Variants in LDLRAD3 observed in about 807,000 individuals in gnomAD.
LDLRAD3 encodes the protein low density lipoprotein receptor class A domain containing 3.
A neutral mutation model predicts 29.4 loss-of-function variants in LDLRAD3; 20 were observed. That is an observed-to-expected ratio of 0.68 (90% CI 0.48 to 0.99). The LOEUF (loss-of-function observed/expected upper bound fraction) is 0.99. Ranked by LOEUF, LDLRAD3 falls within the 50% of genes least tolerant of loss-of-function variation. The pLI is 0.00. For synonymous variants in LDLRAD3, 157 were observed against 192.7 expected (o/e 0.81, Z 1.53); for missense variants, 420 against 454.3 (o/e 0.92, Z 0.69).
chr11:36,165,701 A>C (rs1854503024), intron 4 of LDLRAD3, among the ~76,000 whole-genome samples: 1 of 151,908 alleles, frequency 6.6e-6, no homozygotes, highest in Non-Finnish European at 1.5e-5. Flanking sequence ...GAAATTATTT[A>C]TTTTCATTCT....
chr11:36,152,721 A>G (rs112419970), intron 4 of LDLRAD3, among the ~76,000 whole-genome samples: 2,060 of 152,346 alleles, frequency 0.014, 17 homozygotes, highest in Non-Finnish European at 0.02. Flanking sequence ...GGTCTGTTTT[A>G]GGATAAATAG....
At chr11:36,071,676 T>C (rs1852906197) in intron 2 of LDLRAD3, among the ~76,000 whole-genome samples, 1 of 152,226 alleles carries the variant, frequency 6.6e-6, no homozygotes, top group African/African-American at 2.4e-5. Context: ...TTCTGCCTAT[T>C]AATTCAGTCA....
chr11:36,149,732 C>T (rs553324872), intron 4 of LDLRAD3, among the ~76,000 whole-genome samples: 1 of 152,160 alleles, frequency 6.6e-6, no homozygotes, highest in Non-Finnish European at 1.5e-5. Flanking sequence ...GCTTGGTGAC[C>T]AGGGTATGAG....
chr11:36,201,227 A>G (rs1034415462), intron 4 of LDLRAD3, among the ~76,000 whole-genome samples: 12 of 152,186 alleles, frequency 7.9e-5, no homozygotes, highest in African/African-American at 2.9e-4. Context: ...AGACAGCTGG[A>G]CCACTGACAG....
At chr11:36,035,689 A>G (rs1011494692) in intron 1 of LDLRAD3, among the ~76,000 whole-genome samples, 6 of 152,218 alleles carry the variant, frequency 3.9e-5, no homozygotes, top group Non-Finnish European at 7.3e-5. Context: ...TAAGGGCTAC[A>G]GAGTGTGAGG....
intron 2 of LDLRAD3, among the ~76,000 whole-genome samples, chr11:36,045,124 C>T (rs184660062): frequency 6.6e-6 from 1 of 152,280 alleles, no homozygotes; most frequent in Non-Finnish European, 1.5e-5. Flanking sequence ...ATCATGAGGA[C>T]AGACTTTCAG....
intron 2 of LDLRAD3, among the ~76,000 whole-genome samples, chr11:36,056,210 G>A (rs1176318535): frequency 6.6e-6 from 1 of 152,024 alleles, no homozygotes; most frequent in Non-Finnish European, 1.5e-5. Flanking sequence ...GGTCAGGCTG[G>A]TCTCGAACTC....
chr11:35,968,159 A>G lies in LDLRAD3; in HGVS notation c.46+24015A>G. ...GTTCTTCCTTGCCTTCCTCTGGACCAGCTTCCTCAAGATCATCTCGAATTT... is the reference window on the plus strand; with the variant it reads ...GTTCTTCCTTGCCTTCCTCTGGACCGGCTTCCTCAAGATCATCTCGAATTT... On this transcript the variant is annotated intron_variant, in intron 1 of 5. Coordinates refer to ENST00000315571, the MANE Select transcript of LDLRAD3 (RefSeq NM_174902.4). 4 of 438,640 alleles carry G rather than the reference A, an allele frequency of 9.1e-6. 1 individual carries two copies. The highest frequency in any genetic ancestry group is 7.1e-5 in the South Asian group (4 of 56,456). 27.2% of individuals were successfully genotyped at this position (438,640 alleles called of 1,614,324 possible).
chr11:36,049,402 G>A (rs78040885), intron 2 of LDLRAD3, among the ~76,000 whole-genome samples: 4,760 of 152,166 alleles, frequency 0.031, 236 homozygotes, highest in Admixed American at 0.13. Flanking sequence ...AAGAGAATGT[G>A]GTGCATTCAT....
chr11:36,098,035 G>C (rs183233064), intron 3 of LDLRAD3, among the ~76,000 whole-genome samples: 19 of 152,168 alleles, frequency 1.2e-4, no homozygotes, highest in Non-Finnish European at 2.4e-4. Flanking sequence ...GCATCTCAGA[G>C]AGATTCCTGT....
At chr11:36,175,341 C>A (rs764775737) in intron 4 of LDLRAD3, among the ~76,000 whole-genome samples, 1 of 152,016 alleles carries the variant, frequency 6.6e-6, no homozygotes, top group Non-Finnish European at 1.5e-5. Flanking sequence ...TCTTTCATTT[C>A]TTCTGCTGGG....
chr11:36,205,838 C>G (rs1305901135), intron 4 of LDLRAD3, among the ~76,000 whole-genome samples: 1 of 151,982 alleles, frequency 6.6e-6, no homozygotes, highest in Non-Finnish European at 1.5e-5. Context: ...GATAGGGTGG[C>G]CAGCAAATGC....
chr11:36,150,723 C>A (rs1444787574), intron 4 of LDLRAD3, among the ~76,000 whole-genome samples: 1 of 151,976 alleles, frequency 6.6e-6, no homozygotes, highest in African/African-American at 2.4e-5. Context: ...CCACTGCACT[C>A]CAGCCTGGGC....
intron 1 of LDLRAD3, among the ~76,000 whole-genome samples, chr11:36,009,932 T>A (rs1851934275): frequency 6.6e-6 from 1 of 152,224 alleles, no homozygotes; most frequent in African/African-American, 2.4e-5. Flanking sequence ...TACTCCTTGC[T>A]TTTATCTTGC....
chr11:35,981,858 G>A (rs188215824), intron 1 of LDLRAD3, among the ~76,000 whole-genome samples: 3 of 152,302 alleles, frequency 2.0e-5, no homozygotes, highest in African/African-American at 7.2e-5. Context: ...TGCTTTTGTT[G>A]CATGTTAGAA....
At chr11:36,001,281 C>G (rs1372957994) in intron 1 of LDLRAD3, 2 of 152,138 alleles carry the variant, frequency 1.3e-5, no homozygotes, top group African/African-American at 4.8e-5. Flanking sequence ...ATACATGTGC[C>G]ATGTTGGTGT....
intron 1 of LDLRAD3, among the ~76,000 whole-genome samples, chr11:35,975,763 T>C (rs1018084199): frequency 5.9e-5 from 9 of 151,878 alleles, no homozygotes; most frequent in Admixed American, 2.0e-4. Context: ...TGAGAGAAGG[T>C]TGGAGAATGG....
intron 2 of LDLRAD3, among the ~76,000 whole-genome samples, chr11:36,078,784 T>A (rs899651930): frequency 1.3e-5 from 2 of 152,152 alleles, no homozygotes; most frequent in Non-Finnish European, 2.9e-5. Flanking sequence ...CCGACCACAC[T>A]GCTTCCCTAC....
At chr11:36,011,366 A>G (rs1851953131) in intron 1 of LDLRAD3, among the ~76,000 whole-genome samples, 1 of 152,148 alleles carries the variant, frequency 6.6e-6, no homozygotes, top group Admixed American at 6.5e-5. Context: ...AGAGCATGCG[A>G]TAGGCAGCGG....
Sources: gnomAD v4.1 joint callset for allele counts (sites outside exome capture counted in the v4.1 genomes callset) on GRCh38, gnomAD v4.1.1 for gene constraint, MANE v1.5 for transcripts, NCBI Gene and HGNC (gene_info 2026-07-23, HGNC 2026-07-21) for gene names.